The following ARFIP1 variants were observed in gnomAD, a reference collection of about 807,000 sequenced individuals.
ARFIP1 encodes the protein ARF interacting protein 1.
ARFIP1 carries 24 observed loss-of-function variants against 42.5 expected under a neutral mutation model. The ratio of observed to expected loss-of-function variants is 0.57; its 90% CI spans 0.41 to 0.80. The LOEUF (loss-of-function observed/expected upper bound fraction) is 0.80, where lower values mean the gene tolerates loss of function less well. Ranked by LOEUF, ARFIP1 falls within the 30% of genes least tolerant of loss-of-function variation. ARFIP1 has a pLI of 0.00. For missense variants in ARFIP1, 354 were observed against 434.0 expected, an observed-to-expected ratio of 0.82 and a Z score of 1.64; for synonymous variants, 141 against 153.7, an observed-to-expected ratio of 0.92 and a Z score of 0.61.
chr4:152,870,674 A>G, intron 3 of ARFIP1, 79 bp from the exon 4 acceptor site: 1 of 945,264 alleles, frequency 1.1e-6, no homozygotes, highest in Non-Finnish European at 1.7e-6. Flanking sequence ...TAAAGGAAAT[A>G]TCAGTAACCC....
chr4:152,846,891 G>T (rs1732576228), intron 2 of ARFIP1, among the ~76,000 whole-genome samples: 1 of 150,144 alleles, frequency 6.7e-6, no homozygotes, highest in Admixed American at 6.7e-5. Flanking sequence ...TGGCCAGCTG[G>T]TGTCACTGTG....
chr4:152,869,289 A>C (rs1356972978), intron 3 of ARFIP1, among the ~76,000 whole-genome samples: 1 of 152,194 alleles, frequency 6.6e-6, no homozygotes, highest in Non-Finnish European at 1.5e-5. Flanking sequence ...ACTGGGGAAG[A>C]GTGTAATTGA....
intron 1 of ARFIP1, among the ~76,000 whole-genome samples, chr4:152,801,627 A>AAG (rs1240086529): frequency 6.6e-6 from 1 of 152,188 alleles, no homozygotes; most frequent in Non-Finnish European, 1.5e-5. Context: ...GAAAGAAAGA[A>AAG]ACACAAGGCT....
intron 8 of ARFIP1, among the ~76,000 whole-genome samples, chr4:152,907,052 T>C (rs1738419007): frequency 6.6e-6 from 1 of 152,240 alleles, no homozygotes; most frequent in African/African-American, 2.4e-5. Flanking sequence ...CTGTAACATG[T>C]ATCACCATCT....
rs1738725204 is a variant in ARFIP1, at chr4:152,910,158, A to G, written c.1061A>G (p.Gln354Arg). ...NQKQLEQTLK[Q>R]FHIKLKTPGV... ...AAGCAGCTTGAACAGACACTTAAAC[A>G]GTTCCATATCAAATTGAAAACCCCT... is the stretch of plus-strand genomic sequence containing the variant. Residue 354 changes from glutamine to arginine, a missense_variant, in exon 9 of 9, where the codon CAG becomes CGG. Gln to Arg is a conservative substitution (Grantham distance 43, BLOSUM62 1). Coordinates refer to ENST00000353617, the MANE Select transcript of ARFIP1 (RefSeq NM_001025595.3). 1 of 1,614,200 alleles carries G rather than the reference A, an allele frequency of 6.2e-7. No individual in the cohort carries two copies. Among genetic ancestry groups the G allele is most frequent in the Non-Finnish European group, 8.5e-7 (1 of 1,180,014 alleles).
At chr4:152,865,081 A>G (rs908118642) in intron 3 of ARFIP1, among the ~76,000 whole-genome samples, 1 of 152,142 alleles carries the variant, frequency 6.6e-6, no homozygotes, top group Non-Finnish European at 1.5e-5. Context: ...TACAAAATGA[A>G]GAAACAATTA....
At chr4:152,883,163 T>G in intron 7 of ARFIP1, 1 of 298,648 alleles carries the variant, frequency 3.3e-6, no homozygotes, top group Admixed American at 5.2e-5. Flanking sequence ...ATAAATAATT[T>G]CCTAAATACC....
chr4:152,861,890 CT>C (rs934314027), intron 2 of ARFIP1, among the ~76,000 whole-genome samples: 3 of 152,064 alleles, frequency 2.0e-5, no homozygotes, highest in African/African-American at 7.2e-5. Flanking sequence ...TCTGTCTGTT[CT>C]TTTGGTCACC....
intron 1 of ARFIP1, among the ~76,000 whole-genome samples, chr4:152,791,594 G>T (rs34182079): frequency 0.38 from 57,684 of 151,882 alleles, 12,013 homozygotes; most frequent in Admixed American, 0.49. Flanking sequence ...TCTGGATTTT[G>T]TAAAGACGTA....
chr4:152,904,425 C>T (rs190809512), intron 8 of ARFIP1, among the ~76,000 whole-genome samples: 86 of 151,922 alleles, frequency 5.7e-4, no homozygotes, highest in African/African-American at 2.1e-3. Context: ...CTCCAGACCT[C>T]GTGATCTGCC....
intron 2 of ARFIP1, among the ~76,000 whole-genome samples, chr4:152,854,007 A>T (rs1437866239): frequency 7.0e-6 from 1 of 143,498 alleles, no homozygotes; most frequent in East Asian, 2.1e-4. Flanking sequence ...CCACCTCCCG[A>T]GTTCAAGCAA....
At chr4:152,788,108 C>G (rs1730917725) in intron 1 of ARFIP1, among the ~76,000 whole-genome samples, 3 of 152,046 alleles carry the variant, frequency 2.0e-5, no homozygotes, top group African/African-American at 7.2e-5. Context: ...TGACCTGCAC[C>G]TGTAATTCCA....
intron 3 of ARFIP1, among the ~76,000 whole-genome samples, chr4:152,865,939 G>A (rs1443657251): frequency 6.6e-6 from 1 of 151,992 alleles, no homozygotes; most frequent in Non-Finnish European, 1.5e-5. Flanking sequence ...CAGGGTCATA[G>A]GACAATAGTG....
At position 152,804,314 on chromosome 4, in the gene ARFIP1, C is replaced by T. The variant is rs28472810; in HGVS notation, c.-10+24088C>T. On this transcript the variant is annotated intron_variant, in intron 1 of 8. Transcript: ENST00000353617. ...TATTATATATATTATATATATATAA[C>T]ATAACATGTATTATATATATTTTAT... 1.5e-3 allele frequency among the ~76,000 whole-genome samples: 50 copies of T among 32,402 alleles called. 2 individuals are homozygous for T. Among genetic ancestry groups the T allele is most frequent in the African/African-American group, 5.9e-3 (42 of 7,122 alleles). 21.3% of individuals were successfully genotyped at this position (32,402 alleles called of 152,430 possible).
At chr4:152,850,646 C>T (rs1366816036) in intron 2 of ARFIP1, 1 of 152,182 alleles carries the variant, frequency 6.6e-6, no homozygotes, top group Admixed American at 6.5e-5. Flanking sequence ...GCTTCACATT[C>T]CAACTCAGTG....
intron 2 of ARFIP1, among the ~76,000 whole-genome samples, chr4:152,830,754 C>T (rs1731191772): frequency 6.6e-6 from 1 of 152,086 alleles, no homozygotes; most frequent in African/African-American, 2.4e-5. Context: ...TAATAGATGC[C>T]AGTAGTACCC....
chr4:152,876,792 G>A (rs1578989232), intron 5 of ARFIP1, among the ~76,000 whole-genome samples: 1 of 152,324 alleles, frequency 6.6e-6, no homozygotes, highest in East Asian at 1.9e-4. Context: ...TGCAGCCTAG[G>A]GACTTAATGC....
intron 7 of ARFIP1, 74 bp downstream of exon 7, chr4:152,882,954 C>G: frequency 6.9e-7 from 1 of 1,446,178 alleles, no homozygotes; most frequent in Non-Finnish European, 9.4e-7. Flanking sequence ...TGGTTACAAA[C>G]AACAGAAACC....
intron 1 of ARFIP1, among the ~76,000 whole-genome samples, chr4:152,789,033 C>T (rs1328049112): frequency 6.9e-6 from 1 of 144,658 alleles, no homozygotes; most frequent in Admixed American, 7.0e-5. Flanking sequence ...GGAGGAAGAT[C>T]ACAGAAGTAA....
Sources: allele counts gnomAD v4.1 joint callset (sites outside exome capture counted in the v4.1 genomes callset), GRCh38; gene constraint gnomAD v4.1.1; transcripts MANE v1.5; gene names NCBI Gene and HGNC (gene_info 2026-07-23, HGNC 2026-07-21).